CADM1: variants seen among roughly 807,000 people sequenced by gnomAD.
CADM1 encodes the protein TSLC-1.
A neutral mutation model predicts 53.1 loss-of-function variants in CADM1; 15 were observed. That is an observed-to-expected ratio of 0.28 (90% CI 0.19 to 0.44). The LOEUF (loss-of-function observed/expected upper bound fraction) is 0.44. CADM1 is among the 20% of genes least tolerant of loss of function. The pLI is 1.00. For synonymous variants in CADM1, 281 were observed against 243.0 expected (o/e 1.16, Z -1.45); for missense variants, 434 against 611.3 (o/e 0.71, Z 3.06).
rs1939012106 is a variant in CADM1, at chr11:115,176,043, A to G, written c.*431T>C. 4 of 1,063,604 alleles carry G rather than the reference A, an allele frequency of 3.8e-6. No homozygotes were observed. Among genetic ancestry groups the G allele is most frequent in the Non-Finnish European group, 4.6e-6 (4 of 877,766 alleles). The allele number at this position is 1,063,604 out of a possible 1,614,324, so 65.9% of individuals were successfully genotyped here. On this transcript the variant is annotated 3_prime_UTR_variant, in exon 12 of 12. Coordinates refer to ENST00000331581, the MANE Select transcript of CADM1 (RefSeq NM_001301043.2). ...AACTAGAACAGAAAAGGGAAGGAAA[A>G]GAGTCTAAGGAATCCCAGCAGGCAA...
rs1217069664 is a variant in CADM1 at position 115,444,182 on chromosome 11, A to C, written c.124+60089T>G. On this transcript the variant is annotated intron_variant, in intron 1 of 11. Coordinates refer to ENST00000331581, the MANE Select transcript of CADM1 (RefSeq NM_001301043.2). ...CAACACTCAGCGATAAAAAGAAAAA[A>C]GGAATTCATTTGGAAAAATGCATTC... Among the ~76,000 whole-genome samples, 7 of 152,230 alleles carry C rather than the reference A, an allele frequency of 4.6e-5. No homozygotes were observed. The East Asian group carries it at 1.3e-3, about 29-fold the overall frequency.
chr11:115,328,055 A>G (rs953586075), intron 1 of CADM1, among the ~76,000 whole-genome samples: 1 of 152,034 alleles, frequency 6.6e-6, no homozygotes, highest in Non-Finnish European at 1.5e-5. Context: ...GAGAGATTCA[A>G]ATCCTTTTTC....
intron 1 of CADM1, among the ~76,000 whole-genome samples, chr11:115,431,516 C>T (rs1416965324): frequency 6.6e-6 from 1 of 152,186 alleles, no homozygotes; most frequent in Non-Finnish European, 1.5e-5. Flanking sequence ...TCATGTTACC[C>T]CTCATGAATT....
intron 1 of CADM1, among the ~76,000 whole-genome samples, chr11:115,407,751 T>G (rs1165829620): frequency 1.3e-5 from 2 of 151,442 alleles, no homozygotes; most frequent in Non-Finnish European, 2.9e-5. Flanking sequence ...TGCCGTTTGG[T>G]CCTAGCAACT....
At chr11:115,471,228 G>A (rs1235555385) in intron 1 of CADM1, among the ~76,000 whole-genome samples, 1 of 152,080 alleles carries the variant, frequency 6.6e-6, no homozygotes, top group Non-Finnish European at 1.5e-5. Context: ...TGCCATTTTG[G>A]GGGAACACAT....
chr11:115,220,880 G>A (rs768199232), intron 5 of CADM1, among the ~76,000 whole-genome samples: 14 of 152,150 alleles, frequency 9.2e-5, no homozygotes, highest in African/African-American at 1.2e-4. Context: ...GCCTAACTAC[G>A]ATATGAATAT....
chr11:115,320,813 A>G (rs1336950861), intron 1 of CADM1, among the ~76,000 whole-genome samples: 1 of 152,140 alleles, frequency 6.6e-6, no homozygotes, highest in Non-Finnish European at 1.5e-5. Flanking sequence ...TATGTAATAT[A>G]GGGGAAAAAT....
intron 1 of CADM1, among the ~76,000 whole-genome samples, chr11:115,503,640 C>A (rs1023809671): frequency 6.6e-6 from 1 of 151,984 alleles, no homozygotes; most frequent in Non-Finnish European, 1.5e-5. Flanking sequence ...GCCGAGGGGG[C>A]GGAGGGCTGC....
rs557702302 is a variant in CADM1, at chr11:115,266,812, A to T, written c.125-26392T>A. Among the ~76,000 whole-genome samples, 106 of 152,370 alleles carry T rather than the reference A, an allele frequency of 7.0e-4. 2 individuals carry two copies. The highest frequency in any genetic ancestry group is 3.4e-3 in the Middle Eastern group (1 of 294). On this transcript the variant is annotated intron_variant, in intron 1 of 11. Coordinates refer to ENST00000331581, the MANE Select transcript of CADM1 (RefSeq NM_001301043.2). Reference sequence around the variant, plus strand: ...AATAAAAAAGGGATTTTCCCCCTTAACTACCTGCATATATAAATGTTTAAA... The same window carrying T: ...AATAAAAAAGGGATTTTCCCCCTTATCTACCTGCATATATAAATGTTTAAA...
intron 1 of CADM1, among the ~76,000 whole-genome samples, chr11:115,242,250 G>A (rs1462258490): frequency 6.6e-6 from 1 of 150,850 alleles, no homozygotes; most frequent in Non-Finnish European, 1.5e-5. Context: ...CAGTGAGAGG[G>A]TAAATTCCCG....
intron 1 of CADM1, among the ~76,000 whole-genome samples, chr11:115,334,172 C>T (rs758396684): frequency 5.9e-5 from 9 of 152,148 alleles, no homozygotes; most frequent in Non-Finnish European, 1.0e-4. Flanking sequence ...GTTTACTCTG[C>T]ATGTTTGTAC....
chr11:115,204,060 A>C (rs1940564005), intron 8 of CADM1, among the ~76,000 whole-genome samples: 1 of 152,246 alleles, frequency 6.6e-6, no homozygotes, highest in Non-Finnish European at 1.5e-5. Flanking sequence ...AATGAAAAAT[A>C]ATCTTAATGA....
At chr11:115,267,161 A>G (rs1943164557) in intron 1 of CADM1, among the ~76,000 whole-genome samples, 1 of 152,260 alleles carries the variant, frequency 6.6e-6, no homozygotes, top group Non-Finnish European at 1.5e-5. Flanking sequence ...ATGTACCCAA[A>G]CAAGAAAGTT....
intron 1 of CADM1, among the ~76,000 whole-genome samples, chr11:115,389,987 G>A (rs1190624753): frequency 6.6e-6 from 1 of 152,142 alleles, no homozygotes; most frequent in Non-Finnish European, 1.5e-5. Flanking sequence ...AAACAGAGAA[G>A]TCATAGTCAT....
At chr11:115,482,579 A>G (rs314513) in intron 1 of CADM1, among the ~76,000 whole-genome samples, 12,298 of 152,248 alleles carry the variant, frequency 0.081, 712 homozygotes, top group African/African-American at 0.16. Flanking sequence ...CTTGAGTTGA[A>G]TCACAAGATG....
intron 1 of CADM1, among the ~76,000 whole-genome samples, chr11:115,498,910 A>C (rs917696155): frequency 2.4e-4 from 37 of 152,208 alleles, no homozygotes; most frequent in Non-Finnish European, 2.4e-4. Flanking sequence ...GGAAAGGAAG[A>C]AGCACAGAGG....
At chr11:115,254,509 C>G (rs565706431) in intron 1 of CADM1, among the ~76,000 whole-genome samples, 2 of 150,542 alleles carry the variant, frequency 1.3e-5, no homozygotes, top group African/African-American at 4.9e-5. Context: ...ATAGAGAAAA[C>G]AGCCCTACTT....
At chr11:115,438,615 A>T (rs967222196) in intron 1 of CADM1, among the ~76,000 whole-genome samples, 1 of 152,180 alleles carries the variant, frequency 6.6e-6, no homozygotes, top group Non-Finnish European at 1.5e-5. Flanking sequence ...GCCACTCACA[A>T]ATGACACAGC....
intron 1 of CADM1, among the ~76,000 whole-genome samples, chr11:115,389,213 G>A (rs924853098): frequency 6.6e-5 from 10 of 152,190 alleles, no homozygotes; most frequent in East Asian, 1.9e-4. Context: ...AGGCGAATCC[G>A]TGTAAAATGA....
Sources: gnomAD v4.1 joint callset for allele counts (sites outside exome capture counted in the v4.1 genomes callset) on GRCh38, gnomAD v4.1.1 for gene constraint, MANE v1.5 for transcripts, NCBI Gene and HGNC (gene_info 2026-07-23, HGNC 2026-07-21) for gene names.